The following APP variants were observed in gnomAD, a reference collection of about 807,000 sequenced individuals.
The protein encoded by APP is amyloid-beta precursor protein.
APP carries 31 observed loss-of-function variants against 101.4 expected under a neutral mutation model. The observed-to-expected ratio is 0.31, with a 90% CI of 0.23 to 0.41. The LOEUF (loss-of-function observed/expected upper bound fraction) is 0.41. Among genes scored for constraint, APP ranks in the 10% least tolerant of loss-of-function variants. The probability of loss-of-function intolerance (pLI) is 1.00; values close to 1 mark genes in which losing one functional copy is unlikely to be tolerated. For synonymous variants in APP, 366 were observed against 364.4 expected, an observed-to-expected ratio of 1.00 and a Z score of -0.05; for missense variants, 839 against 1,003.7, an observed-to-expected ratio of 0.84 and a Z score of 2.22.
chr21:25,997,791 G>A (rs1249918777), intron 7 of APP, among the ~76,000 whole-genome samples: 1 of 152,136 alleles, frequency 6.6e-6, no homozygotes, highest in Non-Finnish European at 1.5e-5. Flanking sequence ...GCTGTTTGCT[G>A]AGGCTTATAC....
intron 8 of APP, among the ~76,000 whole-genome samples, chr21:25,992,387 CAA>C (rs3084255): frequency 0.17 from 22,326 of 131,782 alleles, 3,485 homozygotes; most frequent in African/African-American, 0.42. Context: ...GACTCCATCT[CAA>C]AAAAAAAAAA....
At chr21:26,023,401 A>G (rs2146787392) in intron 5 of APP, among the ~76,000 whole-genome samples, 1 of 148,780 alleles carries the variant, frequency 6.7e-6, no homozygotes, top group East Asian at 2.0e-4. Flanking sequence ...AAAGCCAGGC[A>G]TGGTGGTGTG....
intron 13 of APP, among the ~76,000 whole-genome samples, chr21:25,926,428 C>T (rs1226957974): frequency 7.2e-5 from 11 of 152,284 alleles, no homozygotes; most frequent in South Asian, 2.1e-4. Flanking sequence ...CAGCCATCTG[C>T]GATGCCAAAG....
intron 1 of APP, among the ~76,000 whole-genome samples, chr21:26,136,397 C>CTAGGGAGTG (rs1255670999): frequency 2.0e-5 from 3 of 152,004 alleles, no homozygotes; most frequent in Non-Finnish European, 4.4e-5. Context: ...TACCCTGGAT[C>CTAGGGAGTG]CATCAGGCTT....
intron 11 of APP, among the ~76,000 whole-genome samples, chr21:25,969,940 A>AGGAAG (rs1359891818): frequency 1.0e-4 from 2 of 19,536 alleles, no homozygotes; most frequent in African/African-American, 4.6e-4. Flanking sequence ...AGGAAAGGAA[A>AGGAAG]GGAAGGGAAG....
intron 11 of APP, among the ~76,000 whole-genome samples, chr21:25,973,060 T>C (rs9983802): frequency 0.011 from 1,713 of 152,004 alleles, 25 homozygotes; most frequent in African/African-American, 0.039. Flanking sequence ...TAGTTATAAC[T>C]TATAAACCCA....
chr21:26,161,002 T>C (rs940662193), intron 1 of APP, among the ~76,000 whole-genome samples: 1 of 152,248 alleles, frequency 6.6e-6, no homozygotes, highest in African/African-American at 2.4e-5. Flanking sequence ...CTTCTTTCTA[T>C]GCTTGTTCGC....
At chr21:25,946,322 T>C (rs1294171205) in intron 13 of APP, among the ~76,000 whole-genome samples, 1 of 152,232 alleles carries the variant, frequency 6.6e-6, no homozygotes, top group African/African-American at 2.4e-5. Flanking sequence ...AATAATGTAT[T>C]TGATAAGAAT....
At chr21:25,980,672 C>CAAACA (rs1555835046) in intron 9 of APP, among the ~76,000 whole-genome samples, 1 of 141,830 alleles carries the variant, frequency 7.1e-6, no homozygotes, top group East Asian at 2.2e-4. Flanking sequence ...AACAAACAAA[C>CAAACA]AAAAAACAAA....
At chr21:25,948,167 T>TTTG (rs1410002141) in intron 13 of APP, among the ~76,000 whole-genome samples, 3 of 151,942 alleles carry the variant, frequency 2.0e-5, no homozygotes, top group Non-Finnish European at 2.9e-5. Flanking sequence ...TATGATTTTT[T>TTTG]TTTTTTGATG....
At chr21:26,038,155 G>C (rs1287251403) in intron 5 of APP, among the ~76,000 whole-genome samples, 1 of 151,388 alleles carries the variant, frequency 6.6e-6, no homozygotes, top group Non-Finnish European at 1.5e-5. Context: ...AGTCCTTTTT[G>C]CTTCCCTAAA....
At chr21:26,120,917 A>G (rs995276377) in intron 1 of APP, among the ~76,000 whole-genome samples, 3 of 152,210 alleles carry the variant, frequency 2.0e-5, no homozygotes, top group Admixed American at 1.3e-4. Context: ...TGCTACTGCA[A>G]TCACACTCCA....
intron 14 of APP, among the ~76,000 whole-genome samples, chr21:25,909,453 A>G (rs544263842): frequency 1.3e-4 from 20 of 152,246 alleles, no homozygotes; most frequent in African/African-American, 4.8e-4. Context: ...ATCATCCAAC[A>G]AGAATATCAG....
At chr21:25,943,648 C>T (rs1328674257) in intron 13 of APP, among the ~76,000 whole-genome samples, 3 of 149,872 alleles carry the variant, frequency 2.0e-5, no homozygotes, top group East Asian at 4.0e-4. Context: ...AGGGTTTTGC[C>T]ATGTTGGCCA....
At chr21:26,074,765 C>A (rs2061472814) in intron 3 of APP, among the ~76,000 whole-genome samples, 2 of 151,120 alleles carry the variant, frequency 1.3e-5, no homozygotes, top group African/African-American at 4.9e-5. Flanking sequence ...AAAAAAAAAT[C>A]TTTATCATTA....
chr21:26,164,770 C>A (rs529631209), intron 1 of APP, among the ~76,000 whole-genome samples: 1 of 151,006 alleles, frequency 6.6e-6, no homozygotes, highest in Non-Finnish European at 1.5e-5. Context: ...GCAGGAGAAT[C>A]GCTTGAACCC....
rs528231491 is a variant in APP, at chr21:26,156,503, T to C, written c.57+14061A>G. Among the ~76,000 whole-genome samples, 350 of 152,356 alleles carry C rather than the reference T, an allele frequency of 2.3e-3. 1 individual carries two copies. Among genetic ancestry groups the C allele is most frequent in the Non-Finnish European group, 3.2e-3 (218 of 68,034 alleles). ...CAACCTTTTCAGTTCAATGATTTTA[T>C]GCAAAGGTATACATCTAACTGCCTG... On this transcript the variant is annotated intron_variant, in intron 1 of 17. Transcript: ENST00000346798.
intron 3 of APP, among the ~76,000 whole-genome samples, chr21:26,076,301 T>A (rs2061496416): frequency 6.6e-6 from 1 of 152,200 alleles, no homozygotes; most frequent in African/African-American, 2.4e-5. Context: ...ATGCTCCAGC[T>A]CACACTACCA....
chr21:26,117,216 T>C (rs1307626201), intron 1 of APP, among the ~76,000 whole-genome samples: 2 of 152,218 alleles, frequency 1.3e-5, no homozygotes, highest in South Asian at 4.1e-4. Flanking sequence ...ACATCCATGG[T>C]TTCCTGACAT....
Sources: allele counts gnomAD v4.1 joint callset (sites outside exome capture counted in the v4.1 genomes callset), GRCh38; gene constraint gnomAD v4.1.1; transcripts MANE v1.5; gene names NCBI Gene and HGNC (gene_info 2026-07-23, HGNC 2026-07-21).